Variants in LRRC75A observed in about 807,000 individuals in gnomAD.
LRRC75A encodes the protein leucine-rich repeat-containing protein 75A.
Under a neutral mutation model 26.0 loss-of-function variants are expected in LRRC75A, and 12 were observed. The ratio of observed to expected loss-of-function variants is 0.46; its 90% CI spans 0.30 to 0.75. The LOEUF is 0.75. LRRC75A is among the 30% of genes least tolerant of loss of function. The pLI is 0.08. For synonymous variants in LRRC75A, 223 were observed against 219.3 expected (o/e 1.02, Z -0.15); for missense variants, 410 against 486.6 (o/e 0.84, Z 1.48).
chr17:16,442,686 G>GA lies in LRRC75A; in HGVS notation c.*901_*902insT, dbSNP rs2093542070. 1 of 152,228 alleles carries GA rather than the reference G, an allele frequency of 6.6e-6. No individual in the cohort carries two copies. Among genetic ancestry groups the GA allele is most frequent in the Non-Finnish European group, 1.5e-5 (1 of 68,086 alleles). 9.4% of individuals were successfully genotyped at this position (152,228 alleles called of 1,614,324 possible). On this transcript the variant is annotated 3_prime_UTR_variant, in exon 4 of 4. Coordinates refer to ENST00000470794, the MANE Select transcript of LRRC75A (RefSeq NM_001113567.3). The stretch of plus-strand genomic sequence containing the variant: ...CCTTCTGCAGTCGGTTTTCTGGAAT[G>GA]TGTTGGTGGATTACTTAAGAGTTAT...
intron 1 of LRRC75A, among the ~76,000 whole-genome samples, chr17:16,469,485 A>G (rs2093794395): frequency 6.6e-6 from 1 of 152,144 alleles, no homozygotes; most frequent in Non-Finnish European, 1.5e-5. Flanking sequence ...ACTCTCAAAG[A>G]GGCCAAGATC....
At position 16,443,817 on chromosome 17, in the gene LRRC75A, C is replaced by T; in HGVS notation, c.806G>A (p.Gly269Asp). The T allele has an allele frequency of 6.2e-7, 1 of 1,614,042 alleles. No homozygotes were observed. The highest frequency in any genetic ancestry group is 8.5e-7 in the Non-Finnish European group (1 of 1,179,872). Residue 269 changes from glycine (G) to aspartate (D), a missense_variant, in exon 4 of 4, where the codon GGC (glycine) becomes GAC (aspartate). Gly to Asp is a moderately conservative substitution (Grantham distance 94). Transcript: ENST00000470794. ...CAAGGAGAAGATGTCCACGTTGTTG[C>T]CCAGGTCAATCCACGTGACATTGGG... ...KFPNVTWIDL[G>D]NNVDIFSLPQ...
chr17:16,457,005 C>T (rs867931037), intron 2 of LRRC75A, among the ~76,000 whole-genome samples: 1 of 152,176 alleles, frequency 6.6e-6, no homozygotes, highest in South Asian at 2.1e-4. Flanking sequence ...TGGGGCAGAA[C>T]GTGTTTGAGG....
chr17:16,449,866 C>T (rs2093616758), intron 2 of LRRC75A, among the ~76,000 whole-genome samples: 1 of 152,172 alleles, frequency 6.6e-6, no homozygotes, highest in African/African-American at 2.4e-5. Flanking sequence ...ATCCACCCGC[C>T]TTGGCCTCCC....
At chr17:16,484,336 AAAAC>A (rs564375387) in intron 1 of LRRC75A, among the ~76,000 whole-genome samples, 4,902 of 151,196 alleles carry the variant, frequency 0.032, 244 homozygotes, top group African/African-American at 0.11. Flanking sequence ...CTCCGTCTCA[AAAAC>A]AAACAAACAA....
chr17:16,455,310 C>T (rs1002492528), intron 2 of LRRC75A, among the ~76,000 whole-genome samples: 9 of 152,092 alleles, frequency 5.9e-5, no homozygotes, highest in African/African-American at 1.9e-4. Flanking sequence ...TTTTGTTACC[C>T]TGTGTCTGGT....
intron 1 of LRRC75A, among the ~76,000 whole-genome samples, chr17:16,467,046 T>C (rs1206550737): frequency 2.0e-5 from 3 of 152,216 alleles, no homozygotes; most frequent in Non-Finnish European, 4.4e-5. Flanking sequence ...AAAGTGAGAC[T>C]AAAGAGAGTC....
In LRRC75A at chr17:16,443,848, T is replaced by G. The variant is rs1311505502; in HGVS notation, c.775A>C (p.Lys259Gln). 1 of 1,613,934 alleles carries G rather than the reference T, an allele frequency of 6.2e-7. No individual in the cohort carries two copies. The highest frequency in any genetic ancestry group is 1.7e-5 in the Admixed American group (1 of 60,026). The change falls in exon 4 of 4, where the codon AAG (lysine) becomes CAG (glutamine). Residue 259 changes from lysine to glutamine, a missense_variant. Physicochemically the swap from Lys to Gln is moderately conservative, Grantham distance 53. Transcript: ENST00000470794. ...DLTDILKDPS[K>Q]FPNVTWIDLG... ...TCAATCCACGTGACATTGGGGAACT[T>G]GCTGGGATCCTTAAGGATGTCAGTG...
At chr17:16,457,519 G>A (rs544272614) in intron 2 of LRRC75A, among the ~76,000 whole-genome samples, 3 of 152,294 alleles carry the variant, frequency 2.0e-5, no homozygotes, top group African/African-American at 4.8e-5. Context: ...TGCAGCCGCC[G>A]GCCTCCAAGA....
chr17:16,486,039 C>T (rs936347220), intron 1 of LRRC75A, among the ~76,000 whole-genome samples: 7 of 152,170 alleles, frequency 4.6e-5, no homozygotes, highest in Non-Finnish European at 8.8e-5. Context: ...TGAGAGAGAA[C>T]GCCAGGGACA....
Position 16,462,146 on chromosome 17 carries a change from TG to T in LRRC75A, c.375+111del. ...GCTCTTGGTGCCTGGAGGACGGGCT[TG>T]TCCTCCTTGGGCCTGTCTGCCAGTC... On this transcript the variant is annotated intron_variant, in intron 2 of 3. Transcript: ENST00000470794. The surrounding 1 kb of genome is among the most constrained non-coding windows in gnomAD (Gnocchi z 4.6). 7.3e-7 allele frequency: 1 copy of T among 1,375,662 alleles called. No homozygotes were observed. The highest frequency in any genetic ancestry group is 9.9e-7 in the Non-Finnish European group (1 of 1,009,196). The allele number at this position is 1,375,662 out of a possible 1,614,324, so 85.2% of individuals were successfully genotyped here. A position where few individuals can be genotyped will look rare whatever the true frequency, so the allele number is the denominator to read the frequency against.
At chr17:16,453,126 TAA>T (rs1164565755) in intron 2 of LRRC75A, among the ~76,000 whole-genome samples, 2 of 151,956 alleles carry the variant, frequency 1.3e-5, no homozygotes, top group Non-Finnish European at 2.9e-5. Context: ...CCATCTCTAC[TAA>T]AAATACAAAA....
In LRRC75A at chr17:16,465,373, A is replaced by G. The variant is rs553188762; in HGVS notation, c.247-2987T>C. Among the ~76,000 whole-genome samples, 34 of 152,170 alleles carry G rather than the reference A, an allele frequency of 2.2e-4. 1 individual carries two copies. Among genetic ancestry groups the G allele is most frequent in the Non-Finnish European group, 3.8e-4 (26 of 68,028 alleles). Reference sequence around the variant, plus strand: ...CTTGGGATTCATTTCCCTATCTGTGAAATGGGCAGATGAACCACACTAGTG... The same window carrying G: ...CTTGGGATTCATTTCCCTATCTGTGGAATGGGCAGATGAACCACACTAGTG... On this transcript the variant is annotated intron_variant, in intron 1 of 3. Coordinates refer to ENST00000470794, the MANE Select transcript of LRRC75A (RefSeq NM_001113567.3).
intron 1 of LRRC75A, among the ~76,000 whole-genome samples, chr17:16,473,269 C>G (rs2093812073): frequency 6.6e-6 from 1 of 151,932 alleles, no homozygotes; most frequent in Non-Finnish European, 1.5e-5. Flanking sequence ...GTTAAGAGCC[C>G]GAGGCACACT....
At chr17:16,453,693 ACAATTCCAAAGCATGGCG>A (rs2093654075) in intron 2 of LRRC75A, among the ~76,000 whole-genome samples, 2 of 152,264 alleles carry the variant, frequency 1.3e-5, no homozygotes, top group East Asian at 3.9e-4. Context: ...GGCTCAGAAC[ACAATTCCAAAGCATGGCG>A]CCGGGGCCAG....
Position 16,443,945 on chromosome 17 carries a change from G to C in LRRC75A, c.678C>G (p.Leu226=). The C allele has an allele frequency of 6.2e-7, 1 of 1,613,302 alleles. No homozygotes were observed. The highest frequency in any genetic ancestry group is 8.5e-7 in the Non-Finnish European group (1 of 1,179,982). The change falls in exon 4 of 4, where the codon CTC becomes CTG. Residue 226 remains leucine (L), a synonymous_variant. Transcript: ENST00000470794. ...GTGTGGTGAGGCGGGGCAGGGTGCT[G>C]AGTGCTGGCAGCAGCTGCAGGACCA... ...DDMVLQLLPA[L]STLPRLTTLA...
intron 1 of LRRC75A, among the ~76,000 whole-genome samples, chr17:16,465,306 C>A (rs949990386): frequency 2.0e-5 from 3 of 152,202 alleles, no homozygotes; most frequent in Non-Finnish European, 1.5e-5. Flanking sequence ...TAGGCCCTGG[C>A]CAGCCCCAAC....
At chr17:16,469,558 G>C (rs972546330) in intron 1 of LRRC75A, among the ~76,000 whole-genome samples, 1 of 152,196 alleles carries the variant, frequency 6.6e-6, no homozygotes, top group African/African-American at 2.4e-5. Context: ...GGTTGGGACT[G>C]AGTCCACCTC....
intron 3 of LRRC75A, among the ~76,000 whole-genome samples, chr17:16,445,148 C>T (rs560132230): frequency 5.1e-5 from 7 of 137,496 alleles, no homozygotes; most frequent in African/African-American, 1.9e-4. Flanking sequence ...CACGCCTGGC[C>T]ATTTTCTGCA....
Sources: gnomAD v4.1 joint callset for allele counts (sites outside exome capture counted in the v4.1 genomes callset) on GRCh38, gnomAD v4.1.1 for gene constraint, Gnocchi (gnomAD v3.1) non-coding constraint, MANE v1.5 for transcripts, NCBI Gene and HGNC (gene_info 2026-07-23, HGNC 2026-07-21) for gene names.